The following PXK variants were observed in gnomAD, a reference collection of about 807,000 sequenced individuals.
The protein encoded by PXK is PX domain containing serine/threonine kinase like, also known as PX domain-containing protein kinase-like protein.
In PXK, 35 loss-of-function variants were observed where a neutral mutation model predicts 84.7. The observed-to-expected ratio is 0.41, with a 90% CI of 0.32 to 0.55. The LOEUF is 0.55. Ranked by LOEUF, PXK falls within the 20% of genes least tolerant of loss-of-function variation. The pLI is 0.21. For missense variants in PXK, 634 were observed against 699.7 expected, an observed-to-expected ratio of 0.91 and a Z score of 1.06; for synonymous variants, 253 against 260.8, an observed-to-expected ratio of 0.97 and a Z score of 0.29.
chr3:58,409,939 T>C lies in PXK; in HGVS notation c.1396-151T>C. The C allele has an allele frequency of 1.6e-6, 1 of 616,004 alleles. No individual in the cohort carries two copies. Among genetic ancestry groups the C allele is most frequent in the Non-Finnish European group, 2.8e-6 (1 of 352,474 alleles). 38.2% of individuals were successfully genotyped at this position (616,004 alleles called of 1,614,324 possible). The stretch of plus-strand genomic sequence containing the variant: ...GCCTTTAGTTTTGGCTGTGACTTCT[T>C]CACTGTGTTAAGTTATGGGGCTGAA... On this transcript the variant is annotated intron_variant, in intron 15 of 17. Transcript: ENST00000356151. The surrounding 1 kb of genome is among the most constrained non-coding windows in gnomAD (Gnocchi z 4.2).
chr3:58,424,765 A>ACCTCCACCT lies in PXK; in HGVS notation c.1554_1562dup (p.Pro522_Pro524dup), dbSNP rs113653851. 3 of 1,613,404 alleles carry ACCTCCACCT rather than the reference A, an allele frequency of 1.9e-6. No individual in the cohort carries two copies. Among genetic ancestry groups the ACCTCCACCT allele is most frequent in the South Asian group, 1.1e-5 (1 of 90,990 alleles). On this transcript the variant is annotated inframe_insertion, in exon 18 of 18. Transcript: ENST00000356151. Reference sequence around the variant, plus strand: ...TTTCCTCCACAGGGATATCTGCATTACCTCCACCTCCTCCACCTCCACCAC... The same window carrying ACCTCCACCT: ...TTTCCTCCACAGGGATATCTGCATTACCTCCACCTCCTCCACCTCCTCCACCTCCACCAC...
chr3:58,391,136 T>G lies in PXK; in HGVS notation c.467-11T>G. 1 of 1,609,406 alleles carries G rather than the reference T, an allele frequency of 6.2e-7. No individual in the cohort carries two copies. The highest frequency in any genetic ancestry group is 8.5e-7 in the Non-Finnish European group (1 of 1,176,184). On this transcript the variant is annotated splice_polypyrimidine_tract_variant and intron_variant, in intron 5 of 17. Coordinates refer to ENST00000356151, the MANE Select transcript of PXK (RefSeq NM_017771.5). ...TGTGCAGCTCTAAGCACATTTTTGC[T>G]TTTATGGCAGGTTGGAGAATAAGGA...
chr3:58,358,213 T>G (rs2108267880), intron 1 of PXK, among the ~76,000 whole-genome samples: 1 of 152,346 alleles, frequency 6.6e-6, no homozygotes, highest in East Asian at 1.9e-4. Flanking sequence ...TTGACTACAA[T>G]CACCATGGTG....
At chr3:58,363,570 C>T (rs2098224193) in intron 1 of PXK, among the ~76,000 whole-genome samples, 1 of 152,192 alleles carries the variant, frequency 6.6e-6, no homozygotes, top group Admixed American at 6.5e-5. Flanking sequence ...AGTCATCCCA[C>T]CTCAGCCTGC....
chr3:58,408,969 A>G lies in PXK; in HGVS notation c.1276A>G (p.Ile426Val), dbSNP rs55973253. Residue 426 changes from isoleucine (I) to valine (V), a missense_variant, in exon 14 of 18, where the codon ATA becomes GTA. Transcript: ENST00000356151. ...KEALRIAKECIEKRLIEEQKQ... is the reference protein window; with the variant it reads ...KEALRIAKECVEKRLIEEQKQ... ...GGCATTGAGAATTGCCAAAGAATGT[A>G]TAGAGAAGAGACTAATTGAGGAACA... is the stretch of plus-strand genomic sequence containing the variant. 1.3e-6 allele frequency: 2 copies of G among 1,593,114 alleles called. No homozygotes were observed. The highest frequency in any genetic ancestry group is 1.7e-6 in the Non-Finnish European group (2 of 1,161,138).
At chr3:58,382,310 A>G (rs930150167) in intron 3 of PXK, among the ~76,000 whole-genome samples, 6 of 152,186 alleles carry the variant, frequency 3.9e-5, no homozygotes, top group African/African-American at 1.2e-4. Flanking sequence ...AGTAAACTCC[A>G]TCTCAAAAAT....
chr3:58,419,707 A>G (rs1405953997), intron 17 of PXK, among the ~76,000 whole-genome samples: 1 of 152,196 alleles, frequency 6.6e-6, no homozygotes, highest in African/African-American at 2.4e-5. Context: ...CTTGGGGAAC[A>G]ATGGTACTGA....
chr3:58,376,589 A>C (rs182405102), intron 3 of PXK, among the ~76,000 whole-genome samples: 21 of 152,262 alleles, frequency 1.4e-4, no homozygotes, highest in Middle Eastern at 3.4e-3. Context: ...AGTTTCAGGG[A>C]AGATACATCA....
In PXK at chr3:58,370,468, T is replaced by G. The variant is rs2098349736; in HGVS notation, c.201+990T>G. On this transcript the variant is annotated intron_variant, in intron 3 of 17. Transcript: ENST00000356151. This position sits in a 1 kb window ranked among gnomAD's most constrained non-coding sequence, Gnocchi z 4.2. ...CTATTGTGCTCTTGTGTGTCATACTTCAGGTTTGATTGGTAACATAAAACC... is the reference window on the plus strand; with the variant it reads ...CTATTGTGCTCTTGTGTGTCATACTGCAGGTTTGATTGGTAACATAAAACC... 6.6e-6 allele frequency among the ~76,000 whole-genome samples: 1 copy of G among 152,178 alleles called. No homozygotes were observed.
At chr3:58,394,082 T>A (rs1306674513) in intron 7 of PXK, among the ~76,000 whole-genome samples, 2 of 152,206 alleles carry the variant, frequency 1.3e-5, no homozygotes, top group Non-Finnish European at 2.9e-5. Context: ...TGTTAAAAAG[T>A]CAGCAGCAAC....
At chr3:58,360,248 G>A (rs147668250) in intron 1 of PXK, among the ~76,000 whole-genome samples, 2 of 152,248 alleles carry the variant, frequency 1.3e-5, no homozygotes, top group African/African-American at 2.4e-5. Flanking sequence ...ATTGTTGAAC[G>A]TTGAATGTAC....
In PXK at chr3:58,409,738, A is replaced by G. The variant is rs2059912456; in HGVS notation, c.1395+120A>G. The G allele has an allele frequency of 2.4e-6, 2 of 829,604 alleles. No individual in the cohort carries two copies. The highest frequency in any genetic ancestry group is 1.8e-5 in the African/African-American group (1 of 56,956). 51.4% of individuals were successfully genotyped at this position (829,604 alleles called of 1,614,324 possible). A position where few individuals can be genotyped will look rare whatever the true frequency, so the allele number is the denominator to read the frequency against. On this transcript the variant is annotated intron_variant, in intron 15 of 17. Transcript: ENST00000356151. This position sits in a 1 kb window ranked among gnomAD's most constrained non-coding sequence, Gnocchi z 4.2. ...GTGCTATATCTCCTTGAAAGCTAAG[A>G]CTATTTCCAGATGACTGGGGTGCAG...
At chr3:58,336,845 T>C (rs565839863) in intron 1 of PXK, among the ~76,000 whole-genome samples, 3 of 152,268 alleles carry the variant, frequency 2.0e-5, no homozygotes, top group African/African-American at 7.2e-5. Flanking sequence ...AGAGTCTCGC[T>C]CTGTCACCAG....
intron 3 of PXK, among the ~76,000 whole-genome samples, chr3:58,380,123 G>A (rs938813195): frequency 6.6e-6 from 1 of 152,102 alleles, no homozygotes; most frequent in Non-Finnish European, 1.5e-5. Flanking sequence ...TACAATAAAA[G>A]GCCAAATAAC....
intron 1 of PXK, among the ~76,000 whole-genome samples, chr3:58,357,718 G>A (rs1393516250): frequency 2.0e-5 from 3 of 152,178 alleles, no homozygotes; most frequent in African/African-American, 7.2e-5. Flanking sequence ...GGAGGCCAAG[G>A]TGGGCGGATC....
chr3:58,334,524 G>C (rs1004863700), intron 1 of PXK, among the ~76,000 whole-genome samples: 9 of 152,084 alleles, frequency 5.9e-5, no homozygotes, highest in African/African-American at 2.2e-4. Context: ...GAATAGTGTC[G>C]AGTCCTTTAG....
Position 58,425,853 on chromosome 3 carries a change from T to C in PXK, c.*893T>C, listed in dbSNP as rs563797144. ...CATTTATTAGAAAGATCCTTTATCC[T>C]GATTTGCTTAAACCTTTCAATAAAT... is the stretch of plus-strand genomic sequence containing the variant. On this transcript the variant is annotated 3_prime_UTR_variant, in exon 18 of 18. Transcript: ENST00000356151. The C allele has an allele frequency of 4.6e-5, 7 of 152,240 alleles. No individual in the cohort carries two copies. The highest frequency in any genetic ancestry group is 1.0e-4 in the Non-Finnish European group (7 of 68,048). The allele number at this position is 152,240 out of a possible 1,614,324, so 9.4% of individuals were successfully genotyped here.
At chr3:58,394,748 T>C (rs550491471) in intron 7 of PXK, among the ~76,000 whole-genome samples, 12 of 152,266 alleles carry the variant, frequency 7.9e-5, no homozygotes, top group African/African-American at 2.9e-4. Context: ...ACTTGTGGAG[T>C]TTACCACATC....
intron 17 of PXK, chr3:58,420,385 T>C (rs1378059619): frequency 1.0e-6 from 1 of 989,660 alleles, no homozygotes; most frequent in African/African-American, 1.6e-5. Context: ...GTGCTGTGGT[T>C]AATTTGAGTA....
Sources: gnomAD v4.1 joint callset for allele counts (sites outside exome capture counted in the v4.1 genomes callset) on GRCh38, gnomAD v4.1.1 for gene constraint, Gnocchi (gnomAD v3.1) non-coding constraint, MANE v1.5 for transcripts, NCBI Gene and HGNC (gene_info 2026-07-23, HGNC 2026-07-21) for gene names.